TRAF3: variants seen among roughly 807,000 people sequenced by gnomAD.
The protein encoded by TRAF3 is TNF receptor-associated factor 3.
Under a neutral mutation model 62.3 loss-of-function variants are expected in TRAF3, and 13 were observed. That is an observed-to-expected ratio of 0.21 (90% CI 0.14 to 0.33). The LOEUF is 0.33. Ranked by LOEUF, TRAF3 falls within the 10% of genes least tolerant of loss-of-function variation. TRAF3 has a pLI of 1.00. For synonymous variants in TRAF3, 269 were observed against 283.4 expected, an observed-to-expected ratio of 0.95 and a Z score of 0.51; for missense variants, 440 against 741.8, an observed-to-expected ratio of 0.59 and a Z score of 4.73.
chr14:102,861,061 A>C (rs1420719664), intron 2 of TRAF3, among the ~76,000 whole-genome samples: 6 of 152,256 alleles, frequency 3.9e-5, no homozygotes, highest in Non-Finnish European at 7.3e-5. Flanking sequence ...TGGGGAATGC[A>C]AGAAGCTCAG....
At chr14:102,872,002 A>C in intron 4 of TRAF3, 34 bp downstream of exon 4, 2 of 1,604,122 alleles carry the variant, frequency 1.2e-6, no homozygotes, top group Non-Finnish European at 1.7e-6. Flanking sequence ...ATTTTGTCAC[A>C]TGTTTTCAGC....
chr14:102,860,628 G>T (rs1887626334), intron 2 of TRAF3, among the ~76,000 whole-genome samples: 1 of 152,218 alleles, frequency 6.6e-6, no homozygotes, highest in African/African-American at 2.4e-5. Flanking sequence ...GACAGTTTAT[G>T]AAAGGGAGGA....
rs575849872 is a variant in TRAF3 at position 102,808,295 on chromosome 14, C to G, written c.-156-22039C>G. ...TGGGAGGCTGAGACAGGCGAATCAC[C>G]TGAGGTCAGGAGTTTGAGACTAGCC... On this transcript the variant is annotated intron_variant, in intron 1 of 11. Transcript: ENST00000392745. Among the ~76,000 whole-genome samples the G allele has an allele frequency of 1.2e-3, 177 of 152,240 alleles. 2 individuals carry two copies. The highest frequency in any genetic ancestry group is 6.8e-3 in the Middle Eastern group (2 of 294).
intron 8 of TRAF3, among the ~76,000 whole-genome samples, chr14:102,890,796 G>T (rs1281603634): frequency 1.3e-5 from 2 of 152,146 alleles, no homozygotes; most frequent in Admixed American, 6.5e-5. Flanking sequence ...TACTGGAATG[G>T]TGAAGAGCAA....
At chr14:102,792,746 A>G (rs574670897) in intron 1 of TRAF3, among the ~76,000 whole-genome samples, 27 of 152,000 alleles carry the variant, frequency 1.8e-4, no homozygotes, top group Non-Finnish European at 3.4e-4. Flanking sequence ...TTGTCATGGT[A>G]TATAATCCTT....
intron 1 of TRAF3, 118 bp downstream of exon 1, chr14:102,777,793 G>A (rs1363133568): frequency 1.4e-5 from 2 of 143,472 alleles, no homozygotes; most frequent in Non-Finnish European, 3.1e-5. Flanking sequence ...TGCCCGGCGC[G>A]GGCCCGGCGC....
At chr14:102,856,671 C>G (rs1887390896) in intron 2 of TRAF3, among the ~76,000 whole-genome samples, 1 of 152,106 alleles carries the variant, frequency 6.6e-6, no homozygotes, top group Non-Finnish European at 1.5e-5. Flanking sequence ...TTATTTTACT[C>G]ACCCCCTATT....
chr14:102,791,241 A>G (rs991291732), intron 1 of TRAF3, among the ~76,000 whole-genome samples: 1 of 151,828 alleles, frequency 6.6e-6, no homozygotes, highest in Non-Finnish European at 1.5e-5. Flanking sequence ...GGATGGTTTC[A>G]ATCTCCTGAT....
At position 102,885,446 on chromosome 14, in the gene TRAF3, C is replaced by A. The variant is rs145604372; in HGVS notation, c.571-743C>A. Among the ~76,000 whole-genome samples the A allele has an allele frequency of 2.7e-4, 41 of 152,302 alleles. No individual in the cohort carries two copies. The East Asian group carries it at 6.8e-3, about 25-fold the overall frequency. ...CCATCTCTGGCTCTTCCTCATCAGTCTCTCCCCAGGGGCCCTGCAGTTGAT... is the reference window on the plus strand; with the variant it reads ...CCATCTCTGGCTCTTCCTCATCAGTATCTCCCCAGGGGCCCTGCAGTTGAT... On this transcript the variant is annotated intron_variant, in intron 6 of 11. Coordinates refer to ENST00000392745, the MANE Select transcript of TRAF3 (RefSeq NM_145725.3).
At chr14:102,865,039 C>G (rs1235551074) in intron 2 of TRAF3, among the ~76,000 whole-genome samples, 1 of 152,156 alleles carries the variant, frequency 6.6e-6, no homozygotes, top group African/African-American at 2.4e-5. Flanking sequence ...CTTAAGACAT[C>G]ATGTCTATTG....
chr14:102,858,882 A>C (rs1233319128), intron 2 of TRAF3, among the ~76,000 whole-genome samples: 3 of 152,210 alleles, frequency 2.0e-5, no homozygotes, highest in Non-Finnish European at 4.4e-5. Flanking sequence ...GTTAAACCCA[A>C]TTCTTAATAA....
At chr14:102,851,958 G>T (rs1161092386) in intron 2 of TRAF3, among the ~76,000 whole-genome samples, 1 of 151,986 alleles carries the variant, frequency 6.6e-6, no homozygotes, top group Non-Finnish European at 1.5e-5. Context: ...GGGAGGCTGA[G>T]GCAGGAGGAT....
At chr14:102,838,270 C>T (rs1886149532) in intron 2 of TRAF3, among the ~76,000 whole-genome samples, 1 of 152,176 alleles carries the variant, frequency 6.6e-6, no homozygotes, top group African/African-American at 2.4e-5. Flanking sequence ...AGGATACAAA[C>T]CTGAACAAGA....
At chr14:102,837,674 G>A (rs929427130) in intron 2 of TRAF3, among the ~76,000 whole-genome samples, 2 of 152,084 alleles carry the variant, frequency 1.3e-5, no homozygotes, top group Non-Finnish European at 2.9e-5. Context: ...TTTAAAATGG[G>A]GTGGATGCAT....
chr14:102,864,853 A>G (rs896526763), intron 2 of TRAF3, among the ~76,000 whole-genome samples: 8 of 152,182 alleles, frequency 5.3e-5, no homozygotes, highest in African/African-American at 1.9e-4. Context: ...CTTCTCCTGC[A>G]TGACTGCGTT....
intron 5 of TRAF3, 60 bp from the exon 6 acceptor site, chr14:102,876,298 T>C (rs1211189547): frequency 6.3e-7 from 1 of 1,576,540 alleles, no homozygotes; most frequent in Non-Finnish European, 8.7e-7. Flanking sequence ...GATTAGAATC[T>C]GGTATTTCAG....
intron 1 of TRAF3, among the ~76,000 whole-genome samples, chr14:102,806,213 G>A (rs963323757): frequency 1.1e-4 from 17 of 152,156 alleles, no homozygotes; most frequent in Admixed American, 3.3e-4. Flanking sequence ...TTGAGAAACC[G>A]TGGCTTGGAA....
intron 2 of TRAF3, among the ~76,000 whole-genome samples, chr14:102,836,031 A>T (rs193137103): frequency 6.6e-6 from 1 of 152,320 alleles, no homozygotes; most frequent in East Asian, 1.9e-4. Flanking sequence ...ACTGCACTCC[A>T]TCGTGGGTGA....
At chr14:102,827,102 TC>T (rs1900365301) in intron 1 of TRAF3, among the ~76,000 whole-genome samples, 1 of 152,178 alleles carries the variant, frequency 6.6e-6, no homozygotes, top group Non-Finnish European at 1.5e-5. Flanking sequence ...GAGGGTGTTC[TC>T]CCCCTGGCCC....
Sources: allele counts gnomAD v4.1 joint callset (sites outside exome capture counted in the v4.1 genomes callset), GRCh38; gene constraint gnomAD v4.1.1; transcripts MANE v1.5; gene names NCBI Gene and HGNC (gene_info 2026-07-23, HGNC 2026-07-21).